Variants in C11orf54 observed in about 807,000 individuals in gnomAD.
C11orf54 encodes the protein beta-keto-L-gulonate decarboxylase.
In C11orf54, 29 loss-of-function variants were observed where a neutral mutation model predicts 35.5. The ratio of observed to expected loss-of-function variants is 0.82; its 90% CI spans 0.61 to 1.11. The LOEUF (loss-of-function observed/expected upper bound fraction) is 1.11. Ranked by LOEUF, C11orf54 falls within the 50% of genes most tolerant of loss-of-function variation. The pLI is 0.00. For missense variants in C11orf54, 373 were observed against 369.2 expected, an observed-to-expected ratio of 1.01 and a Z score of -0.08; for synonymous variants, 108 against 121.1, an observed-to-expected ratio of 0.89 and a Z score of 0.71.
rs753995347 is a variant in C11orf54 at position 93,755,361 on chromosome 11, T to C, written c.482T>C (p.Phe161Ser). ...DFQCALLANL[F>S]ASEGQPGKVI... ...CAGTGTGCATTACTGGCTAATCTTTTTGCCAGTGAAGGCCAACCTGGCAAG... is the reference window on the plus strand; with the variant it reads ...CAGTGTGCATTACTGGCTAATCTTTCTGCCAGTGAAGGCCAACCTGGCAAG... Residue 161 changes from phenylalanine (F) to serine (S), a missense_variant, in exon 6 of 9, where the codon TTT becomes TCT. Physicochemically the swap from Phe to Ser is radical, Grantham distance 155 (BLOSUM62 -2). Coordinates refer to ENST00000354421, the MANE Select transcript of C11orf54 (RefSeq NM_001286069.2). 6.2e-7 allele frequency: 1 copy of C among 1,614,154 alleles called. No homozygotes were observed. Among genetic ancestry groups the C allele is most frequent in the Non-Finnish European group, 8.5e-7 (1 of 1,180,018 alleles).
intron 1 of C11orf54, chr11:93,746,077 T>G (rs1327772074): frequency 6.6e-6 from 1 of 152,194 alleles, no homozygotes; most frequent in African/African-American, 2.4e-5. Context: ...TTTGATAAAG[T>G]ACTAAAGTAA....
chr11:93,755,451 T>C, intron 6 of C11orf54, 65 bp downstream of exon 6: 1 of 1,531,750 alleles, frequency 6.5e-7, no homozygotes, highest in Non-Finnish European at 8.9e-7. Context: ...ATGTGAACTT[T>C]TACTGCCATA....
chr11:93,764,143 G>C lies in C11orf54; in HGVS notation c.*2455G>C, dbSNP rs977925250. The C allele has an allele frequency of 6.6e-6, 1 of 152,214 alleles. No homozygotes were observed. The highest frequency in any genetic ancestry group is 2.4e-5 in the African/African-American group (1 of 41,446). The allele number at this position is 152,214 out of a possible 1,614,324, so 9.4% of individuals were successfully genotyped here. On this transcript the variant is annotated 3_prime_UTR_variant, in exon 9 of 9. Transcript: ENST00000354421. ...CCCAGGCTTTCTTAGCTTGCCAGAG[G>C]TGTAGGGCATAAGGGGACGAGGGGT...
intron 8 of C11orf54, 128 bp downstream of exon 8, chr11:93,759,986 G>T: frequency 3.4e-6 from 2 of 593,292 alleles, no homozygotes; most frequent in Non-Finnish European, 5.6e-6. Flanking sequence ...CACTCTTGTT[G>T]CCCAGGCTAG....
intron 6 of C11orf54, 24 bp from the exon 7 acceptor site, chr11:93,757,292 T>C: frequency 6.3e-7 from 1 of 1,589,284 alleles, no homozygotes; most frequent in Non-Finnish European, 8.5e-7. Flanking sequence ...TAGTCAATGG[T>C]ATGCATCTTT....
Position 93,747,421 on chromosome 11 carries a change from G to A in C11orf54, c.28G>A (p.Val10Ile). 2 of 1,600,006 alleles carry A rather than the reference G, an allele frequency of 1.3e-6. No individual in the cohort carries two copies. The highest frequency in any genetic ancestry group is 1.7e-5 in the Admixed American group (1 of 57,280). ...GGCTTGTGCTGAGTTTTCTTTTCAT[G>A]TACCAAGTCTTGAAGAGCTTGCTGG... is the stretch of plus-strand genomic sequence containing the variant. The part of the protein sequence containing the change: MACAEFSFH[V>I]PSLEELAGVM... Residue 10 changes from valine (V) to isoleucine (I), a missense_variant, in exon 2 of 9, where the codon GTA becomes ATA. Val to Ile is a conservative substitution (Grantham distance 29). Transcript: ENST00000354421.
At chr11:93,752,368 T>A (rs1447820964) in intron 3 of C11orf54, among the ~76,000 whole-genome samples, 1 of 152,148 alleles carries the variant, frequency 6.6e-6, no homozygotes, top group Non-Finnish European at 1.5e-5. Flanking sequence ...TGCAGTGGTG[T>A]GTTAGACATT....
In C11orf54 at chr11:93,755,331, A is replaced by ATT; in HGVS notation, c.455_456dup (p.Gln153PhefsTer19). The stretch of plus-strand genomic sequence containing the variant: ...GAGAAATACAGTGAGAAATGTCATG[A>ATT]TTTTCAGTGTGCATTACTGGCTAAT... On this transcript the variant is annotated frameshift_variant, in exon 6 of 9. Transcript: ENST00000354421. LOFTEE classifies it high-confidence loss of function. 1.9e-6 allele frequency: 3 copies of ATT among 1,614,126 alleles called. No homozygotes were observed. Among genetic ancestry groups the ATT allele is most frequent in the Non-Finnish European group, 2.5e-6 (3 of 1,180,026 alleles).
intron 7 of C11orf54, among the ~76,000 whole-genome samples, chr11:93,757,851 G>T (rs1943237030): frequency 6.6e-6 from 1 of 151,958 alleles, no homozygotes; most frequent in Admixed American, 6.6e-5. Context: ...TGTAAAGTAT[G>T]TGTTGGGAAT....
Position 93,759,818 on chromosome 11 carries a change from C to T in C11orf54, c.734C>T (p.Ala245Val). The stretch of plus-strand genomic sequence containing the variant: ...TGGTTGCATTTTTATGAAATGAAAG[C>T]TCCTTTGGTTTGTCTACCAGTTTTT... ...NKWLHFYEMK[A>V]PLVCLPVFVS... The change falls in exon 8 of 9, where the codon GCT becomes GTT. Residue 245 changes from alanine (A) to valine (V), a missense_variant. Coordinates refer to ENST00000354421, the MANE Select transcript of C11orf54 (RefSeq NM_001286069.2). 6.2e-7 allele frequency: 1 copy of T among 1,609,978 alleles called. No individual in the cohort carries two copies. The highest frequency in any genetic ancestry group is 8.5e-7 in the Non-Finnish European group (1 of 1,177,272).
rs1362744282 is a variant in C11orf54 at position 93,761,910 on chromosome 11, T to A, written c.*222T>A. On this transcript the variant is annotated 3_prime_UTR_variant, in exon 9 of 9. Coordinates refer to ENST00000354421, the MANE Select transcript of C11orf54 (RefSeq NM_001286069.2). ...CATAGCAAGACCCTGTCTATTTTTT[T>A]AAAAAAGTAAAAAATAGAAATTATC... 1 of 299,898 alleles carries A rather than the reference T, an allele frequency of 3.3e-6. No individual in the cohort carries two copies. The highest frequency in any genetic ancestry group is 6.0e-6 in the Non-Finnish European group (1 of 166,346). 18.6% of individuals were successfully genotyped at this position (299,898 alleles called of 1,614,324 possible).
chr11:93,761,743 C>A lies in C11orf54; in HGVS notation c.*55C>A. 1 of 1,433,806 alleles carries A rather than the reference C, an allele frequency of 7.0e-7. No individual in the cohort carries two copies. The highest frequency in any genetic ancestry group is 1.4e-5 in the South Asian group (1 of 73,606). 88.8% of individuals were successfully genotyped at this position (1,433,806 alleles called of 1,614,324 possible). A position where few individuals can be genotyped will look rare whatever the true frequency, so the allele number is the denominator to read the frequency against. ...TAATTAAGGTTAATTAATTGATTGA[C>A]TTATTAATTAATACTGATATAAAAC... On this transcript the variant is annotated 3_prime_UTR_variant, in exon 9 of 9. Transcript: ENST00000354421.
At chr11:93,760,661 C>CT (rs1162820692) in intron 8 of C11orf54, among the ~76,000 whole-genome samples, 1 of 152,010 alleles carries the variant, frequency 6.6e-6, no homozygotes, top group Non-Finnish European at 1.5e-5. Flanking sequence ...CATATCTTCT[C>CT]TTTTTTTTAT....
chr11:93,760,691 C>G (rs1943412746), intron 8 of C11orf54, among the ~76,000 whole-genome samples: 2 of 151,970 alleles, frequency 1.3e-5, no homozygotes, highest in Admixed American at 1.3e-4. Flanking sequence ...CAGAGTCTCG[C>G]TCTGTTGCCC....
intron 3 of C11orf54, among the ~76,000 whole-genome samples, chr11:93,752,746 G>GGT (rs758495992): frequency 9.6e-6 from 1 of 103,906 alleles, no homozygotes; most frequent in Admixed American, 1.2e-4. Flanking sequence ...ATCTCTCTGG[G>GGT]TTTTTTTTTT....
Position 93,759,966 on chromosome 11 carries a change from G to A in C11orf54, c.774+108G>A, listed in dbSNP as rs377240951. ...GTGTTTGTTGTTGTTGTTGTTTTGA[G>A]ACAGAGTTTCACTCTTGTTGCCCAG... On this transcript the variant is annotated intron_variant, in intron 8 of 8. Transcript: ENST00000354421. 9 of 698,256 alleles carry A rather than the reference G, an allele frequency of 1.3e-5. No individual in the cohort carries two copies. The South Asian group carries it at 2.1e-4, about 16-fold the overall frequency. 43.3% of individuals were successfully genotyped at this position (698,256 alleles called of 1,614,324 possible).
rs1229066720 is a variant in C11orf54 at position 93,763,266 on chromosome 11, A to G, written c.*1578A>G. On this transcript the variant is annotated 3_prime_UTR_variant, in exon 9 of 9. Coordinates refer to ENST00000354421, the MANE Select transcript of C11orf54 (RefSeq NM_001286069.2). The stretch of plus-strand genomic sequence containing the variant: ...AAGTAGCCACTCGGATGATTATACC[A>G]AACACTTTACTAAAGCTGGGGATCT... 6.6e-6 allele frequency: 1 copy of G among 152,228 alleles called. No individual in the cohort carries two copies. The highest frequency in any genetic ancestry group is 1.5e-5 in the Non-Finnish European group (1 of 68,050). The allele number at this position is 152,228 out of a possible 1,614,324, so 9.4% of individuals were successfully genotyped here.
chr11:93,742,095 G>GT (rs1372564683), intron 1 of C11orf54: 1 of 153,706 alleles, frequency 6.5e-6, no homozygotes, highest in Non-Finnish European at 1.4e-5. Flanking sequence ...CACCTGTTTC[G>GT]TAAGCTCACC....
At chr11:93,761,369 A>G (rs1482412263) in intron 8 of C11orf54, 146 bp from the exon 9 acceptor site, 3 of 666,068 alleles carry the variant, frequency 4.5e-6, no homozygotes, top group Middle Eastern at 4.0e-4. Context: ...TACTGAATAC[A>G]TCGTTTTGCC....
Sources: allele counts gnomAD v4.1 joint callset (sites outside exome capture counted in the v4.1 genomes callset), GRCh38; gene constraint gnomAD v4.1.1; transcripts MANE v1.5; gene names NCBI Gene and HGNC (gene_info 2026-07-23, HGNC 2026-07-21).